The following NEK7 variants were observed in gnomAD, a reference collection of about 807,000 sequenced individuals.
NEK7 encodes the protein serine/threonine-protein kinase Nek7.
A neutral mutation model predicts 44.6 loss-of-function variants in NEK7; 18 were observed. That is an observed-to-expected ratio of 0.40 (90% CI 0.28 to 0.60). NEK7 has a LOEUF of 0.60. Among genes scored for constraint, NEK7 ranks in the 20% least tolerant of loss-of-function variants. The pLI, the probability that NEK7 is intolerant of heterozygous loss-of-function variation, is 0.38. For missense variants in NEK7, 256 were observed against 366.5 expected (o/e 0.70, Z 2.46); for synonymous variants, 130 against 121.1 (o/e 1.07, Z -0.48).
intron 1 of NEK7, among the ~76,000 whole-genome samples, chr1:198,169,802 G>A (rs1326579936): frequency 1.3e-5 from 2 of 152,174 alleles, no homozygotes; most frequent in African/African-American, 4.8e-5. Flanking sequence ...TACTTATTGA[G>A]TCTTGTTGTA....
intron 2 of NEK7, among the ~76,000 whole-genome samples, chr1:198,247,648 AT>A (rs755006545): frequency 1.3e-5 from 2 of 152,152 alleles, no homozygotes; most frequent in African/African-American, 2.4e-5. Flanking sequence ...AGGAAGCATG[AT>A]CTTTTTCTTG....
At chr1:198,249,327 T>G (rs1033341141) in intron 2 of NEK7, among the ~76,000 whole-genome samples, 17 of 152,144 alleles carry the variant, frequency 1.1e-4, no homozygotes, top group Non-Finnish European at 1.8e-4. Flanking sequence ...TCTTTGCTGT[T>G]GGGAATAGTG....
chr1:198,232,576 A>G lies in NEK7; in HGVS notation c.-5A>G, dbSNP rs1271336030. The G allele has an allele frequency of 8.8e-6, 14 of 1,593,972 alleles. No individual in the cohort carries two copies. The highest frequency in any genetic ancestry group is 1.2e-5 in the Non-Finnish European group (14 of 1,162,212). On this transcript the variant is annotated 5_prime_UTR_variant, in exon 2 of 10. Transcript: ENST00000367385. ...AGAGTTCTAAAGTTCCTGTTGCTTC[A>G]GACAATGGATGAGCAATCACAAGGA...
At chr1:198,267,047 C>T (rs771543917) in intron 5 of NEK7, among the ~76,000 whole-genome samples, 24 of 151,996 alleles carry the variant, frequency 1.6e-4, no homozygotes, top group South Asian at 4.1e-4. Flanking sequence ...CTCCTGTTAC[C>T]GTATTCTTGT....
intron 9 of NEK7, among the ~76,000 whole-genome samples, chr1:198,316,082 A>G (rs980017196): frequency 1.1e-4 from 16 of 152,238 alleles, no homozygotes; most frequent in Non-Finnish European, 2.4e-4. Flanking sequence ...AAAAGAAACT[A>G]GGAAGAAAAC....
chr1:198,281,510 G>GA (rs1380633701), intron 7 of NEK7, among the ~76,000 whole-genome samples: 1 of 151,898 alleles, frequency 6.6e-6, no homozygotes, highest in Admixed American at 6.6e-5. Context: ...AGTTCATAAA[G>GA]AAAAATCTGA....
At position 198,233,092 on chromosome 1, in the gene NEK7, G is replaced by GAAA. The variant is rs59719766; in HGVS notation, c.57+466_57+468dup. Among the ~76,000 whole-genome samples the GAAA allele has an allele frequency of 1.8e-4, 26 of 141,350 alleles. No homozygotes were observed. The South Asian group carries it at 5.7e-3, about 31-fold the overall frequency. The allele number at this position is 141,350 out of a possible 152,430, so 92.7% of individuals were successfully genotyped here. ...AGTATTAGGTTTAGGGAAGGAAGAG[G>GAAA]AAAAAAAAAAAAAGGTGAGACTGTG... is the stretch of plus-strand genomic sequence containing the variant. On this transcript the variant is annotated intron_variant, in intron 2 of 9. Transcript: ENST00000367385.
At chr1:198,256,300 G>A (rs914620981) in intron 3 of NEK7, 5 of 1,552,512 alleles carry the variant, frequency 3.2e-6, no homozygotes, top group East Asian at 4.7e-5. Context: ...AACAAAGGAT[G>A]TGTTCAGCTC....
At position 198,186,684 on chromosome 1, in the gene NEK7, C is replaced by T. The variant is rs149778686; in HGVS notation, c.-29+29408C>T. ...TCAAATTTTCATATGAGTATACCAC[C>T]CCATCAGCAATTCAGATTAGATATG... On this transcript the variant is annotated intron_variant, in intron 1 of 9. Coordinates refer to ENST00000367385, the MANE Select transcript of NEK7 (RefSeq NM_133494.3). Among the ~76,000 whole-genome samples, 30 of 152,198 alleles carry T rather than the reference C, an allele frequency of 2.0e-4. No homozygotes were observed. In the East Asian group the frequency reaches 5.2e-3, roughly 26 times the overall value.
At chr1:198,249,146 T>G (rs1666915926) in intron 2 of NEK7, among the ~76,000 whole-genome samples, 1 of 150,324 alleles carries the variant, frequency 6.7e-6, no homozygotes, top group South Asian at 2.1e-4. Context: ...CGGTGTTTGG[T>G]TTTTTGTTCT....
At chr1:198,230,916 A>C (rs962023292) in intron 1 of NEK7, among the ~76,000 whole-genome samples, 11 of 151,968 alleles carry the variant, frequency 7.2e-5, no homozygotes, top group Non-Finnish European at 1.5e-5. Flanking sequence ...AAAGAAACTT[A>C]AATGAGATAG....
intron 5 of NEK7, among the ~76,000 whole-genome samples, chr1:198,265,077 A>G (rs565163526): frequency 6.6e-6 from 1 of 152,226 alleles, no homozygotes; most frequent in Admixed American, 6.6e-5. Flanking sequence ...AGTATTTTAG[A>G]GACCCAGCCT....
intron 3 of NEK7, among the ~76,000 whole-genome samples, chr1:198,257,703 T>G (rs1385383544): frequency 3.9e-5 from 6 of 152,314 alleles, no homozygotes; most frequent in East Asian, 3.9e-4. Flanking sequence ...TAAATTAATG[T>G]TAGTTTTTAC....
At chr1:198,247,779 T>C (rs921123711) in intron 2 of NEK7, among the ~76,000 whole-genome samples, 63 of 152,106 alleles carry the variant, frequency 4.1e-4, no homozygotes, top group African/African-American at 1.4e-3. Context: ...AATTTTACAG[T>C]TAGATGTAGT....
rs1655530666 is a variant in NEK7, at chr1:198,321,384, G to GTATGAGAAGAATTATTCTTATTGAC, written c.*1863_*1887dup. On this transcript the variant is annotated 3_prime_UTR_variant, in exon 10 of 10. Coordinates refer to ENST00000367385, the MANE Select transcript of NEK7 (RefSeq NM_133494.3). ...AGCATCCATAGATATATTCCTAGAA[G>GTATGAGAAGAATTATTCTTATTGAC]TATGAGAAGAATTATTCTTATTGAC... is the stretch of plus-strand genomic sequence containing the variant. 6.6e-6 allele frequency: 1 copy of GTATGAGAAGAATTATTCTTATTGAC among 151,996 alleles called. No homozygotes were observed. The highest frequency in any genetic ancestry group is 6.6e-5 in the Admixed American group (1 of 15,266). The allele number at this position is 151,996 out of a possible 1,614,324, so 9.4% of individuals were successfully genotyped here.
chr1:198,268,580 A>T (rs1280770319), intron 5 of NEK7, among the ~76,000 whole-genome samples: 1 of 152,082 alleles, frequency 6.6e-6, no homozygotes, highest in Non-Finnish European at 1.5e-5. Flanking sequence ...CCGTTTCTCC[A>T]TCAGTCTTTA....
intron 9 of NEK7, among the ~76,000 whole-genome samples, chr1:198,310,426 G>C (rs906852146): frequency 6.7e-6 from 1 of 150,204 alleles, no homozygotes; most frequent in Admixed American, 6.6e-5. Flanking sequence ...TTCTTTTGCT[G>C]TGCAGAAGCT....
chr1:198,257,272 C>T (rs1653298993), intron 3 of NEK7, among the ~76,000 whole-genome samples: 1 of 152,046 alleles, frequency 6.6e-6, no homozygotes. Context: ...CCAAAGTATT[C>T]TTTGATATTG....
intron 2 of NEK7, among the ~76,000 whole-genome samples, chr1:198,242,587 G>A (rs1424490109): frequency 1.3e-5 from 2 of 149,160 alleles, no homozygotes; most frequent in South Asian, 2.1e-4. Context: ...TCAGCCTCCC[G>A]AGTAGCTGTG....
Sources: gnomAD v4.1 joint callset for allele counts (sites outside exome capture counted in the v4.1 genomes callset) on GRCh38, gnomAD v4.1.1 for gene constraint, MANE v1.5 for transcripts, NCBI Gene and HGNC (gene_info 2026-07-23, HGNC 2026-07-21) for gene names.